The following CD244 variants were observed in gnomAD, a reference collection of about 807,000 sequenced individuals.
CD244 encodes the protein CD244 molecule.
A neutral mutation model predicts 45.5 loss-of-function variants in CD244; 20 were observed. The ratio of observed to expected loss-of-function variants is 0.44; its 90% CI spans 0.31 to 0.64. CD244 has a LOEUF of 0.64. Ranked by LOEUF, CD244 falls within the 30% of genes least tolerant of loss-of-function variation. The pLI is 0.08. For synonymous variants in CD244, 185 were observed against 160.5 expected (o/e 1.15, Z -1.15); for missense variants, 407 against 426.9 (o/e 0.95, Z 0.41).
intron 1 of CD244, among the ~76,000 whole-genome samples, chr1:160,849,458 C>T (rs1453039507): frequency 6.6e-6 from 1 of 152,102 alleles, no homozygotes; most frequent in African/African-American, 2.4e-5. Context: ...CCTTGCCCCT[C>T]ACCCACTAAC....
intron 1 of CD244, among the ~76,000 whole-genome samples, chr1:160,860,540 G>A (rs1670261499): frequency 1.3e-5 from 2 of 152,190 alleles, no homozygotes; most frequent in Admixed American, 6.5e-5. Context: ...TACTGAATTT[G>A]ACAATTGTGC....
At chr1:160,837,148 A>G (rs548837784) in intron 5 of CD244, among the ~76,000 whole-genome samples, 1 of 152,278 alleles carries the variant, frequency 6.6e-6, no homozygotes, top group East Asian at 1.9e-4. Flanking sequence ...GCCCTGAGAC[A>G]ATAGGGAGAG....
At chr1:160,857,577 T>C (rs556172051) in intron 1 of CD244, among the ~76,000 whole-genome samples, 1 of 152,338 alleles carries the variant, frequency 6.6e-6, no homozygotes, top group South Asian at 2.1e-4. Flanking sequence ...AAATCTGTGA[T>C]GTTAGAAGTC....
intron 1 of CD244, among the ~76,000 whole-genome samples, chr1:160,853,040 T>G (rs1669975579): frequency 6.6e-6 from 1 of 152,042 alleles, no homozygotes; most frequent in South Asian, 2.1e-4. Context: ...AAAGAAAATC[T>G]GGTGTTTATA....
At chr1:160,860,136 G>C (rs780172678) in intron 1 of CD244, among the ~76,000 whole-genome samples, 1 of 152,046 alleles carries the variant, frequency 6.6e-6, no homozygotes, top group Non-Finnish European at 1.5e-5. Context: ...GAACCCGGGG[G>C]AGCAGAAGTT....
chr1:160,847,352 A>G (rs1242094087), intron 1 of CD244, among the ~76,000 whole-genome samples: 1 of 151,982 alleles, frequency 6.6e-6, no homozygotes, highest in Non-Finnish European at 1.5e-5. Flanking sequence ...ACCAATATAT[A>G]TATAAATTAT....
In CD244 at chr1:160,830,448, C is replaced by T. The variant is rs58480178; in HGVS notation, c.*899G>A. ...GTGTCTAGATTCCAACTGCCTCATT[C>T]TCAGCCCTCAGCTGCCTGAGCCCTC... is the stretch of plus-strand genomic sequence containing the variant. On this transcript the variant is annotated 3_prime_UTR_variant, in exon 9 of 9. Transcript: ENST00000368034. The T allele has an allele frequency of 6.6e-6, 1 of 152,434 alleles. No individual in the cohort carries two copies. Among genetic ancestry groups the T allele is most frequent in the Non-Finnish European group, 1.5e-5 (1 of 68,104 alleles). 9.4% of individuals were successfully genotyped at this position (152,434 alleles called of 1,614,324 possible). A position where few individuals can be genotyped will look rare whatever the true frequency, so the allele number is the denominator to read the frequency against.
intron 3 of CD244, among the ~76,000 whole-genome samples, 187 bp downstream of exon 3, chr1:160,841,023 A>G (rs770973258): frequency 2.0e-5 from 3 of 152,174 alleles, no homozygotes; most frequent in Non-Finnish European, 4.4e-5. Flanking sequence ...ATTTTTTTCC[A>G]GAGTAGGATA....
At position 160,832,202 on chromosome 1, in the gene CD244, G is replaced by A. The variant is rs554339688; in HGVS notation, c.1017+317C>T. ...TCTTCCCCTCTCTGACCCCTCCTCC[G>A]AACACTCTTGGAAAGGAGAGATGTC... On this transcript the variant is annotated intron_variant, in intron 8 of 8. Coordinates refer to ENST00000368034, the MANE Select transcript of CD244 (RefSeq NM_016382.4). Among the ~76,000 whole-genome samples the A allele has an allele frequency of 5.9e-5, 9 of 152,166 alleles. No homozygotes were observed. In the South Asian group the frequency reaches 6.2e-4, roughly 11 times the overall value.
Position 160,862,775 on chromosome 1 carries a change from G to T in CD244, c.-98C>A. ...CCCCAGTCAGCAAGAGGACGATGGGGAGCAGAACTGCCTTGCAACCTGTCC... is the reference window on the plus strand; with the variant it reads ...CCCCAGTCAGCAAGAGGACGATGGGTAGCAGAACTGCCTTGCAACCTGTCC... On this transcript the variant is annotated 5_prime_UTR_variant, in exon 1 of 9. Transcript: ENST00000368034. 1 of 1,040,332 alleles carries T rather than the reference G, an allele frequency of 9.6e-7. No individual in the cohort carries two copies. The highest frequency in any genetic ancestry group is 1.6e-5 in the African/African-American group (1 of 63,564). The allele number at this position is 1,040,332 out of a possible 1,614,324, so 64.4% of individuals were successfully genotyped here. A position where few individuals can be genotyped will look rare whatever the true frequency, so the allele number is the denominator to read the frequency against.
At chr1:160,850,027 T>C (rs542053361) in intron 1 of CD244, among the ~76,000 whole-genome samples, 1 of 152,074 alleles carries the variant, frequency 6.6e-6, no homozygotes, top group African/African-American at 2.4e-5. Context: ...AAAAAATGAA[T>C]ATGTGAAACT....
chr1:160,854,643 C>G (rs917767385), intron 1 of CD244, among the ~76,000 whole-genome samples: 1 of 151,822 alleles, frequency 6.6e-6, no homozygotes, highest in Non-Finnish European at 1.5e-5. Flanking sequence ...ATCCACCCGT[C>G]TCAGCCTCCC....
chr1:160,832,703 G>A, intron 7 of CD244, 128 bp from the exon 8 acceptor site: 1 of 1,535,018 alleles, frequency 6.5e-7, no homozygotes, highest in Non-Finnish European at 8.8e-7. Flanking sequence ...GCCAGAAAAT[G>A]AATAGAATCT....
chr1:160,831,487 G>C (rs1669113629), intron 8 of CD244, 60 bp from the exon 9 acceptor site: 8 of 1,184,320 alleles, frequency 6.8e-6, no homozygotes, highest in Non-Finnish European at 8.7e-6. Flanking sequence ...TCACAATCCT[G>C]TGAGGTATGA....
In CD244 at chr1:160,834,629, G is replaced by A. The variant is rs113431202; in HGVS notation, c.895-513C>T. Among the ~76,000 whole-genome samples, 73 of 152,298 alleles carry A rather than the reference G, an allele frequency of 4.8e-4. 1 individual carries two copies. Among genetic ancestry groups the A allele is most frequent in the African/African-American group, 1.7e-3 (70 of 41,556 alleles). ...GCCTCCCAAAGTGTTGGGATTACAG[G>A]CATGAGCCACCGCGCCTGGCCTCTT... On this transcript the variant is annotated intron_variant, in intron 6 of 8. Coordinates refer to ENST00000368034, the MANE Select transcript of CD244 (RefSeq NM_016382.4).
intron 7 of CD244, among the ~76,000 whole-genome samples, chr1:160,833,681 C>T (rs937534437): frequency 6.6e-6 from 1 of 152,208 alleles, no homozygotes; most frequent in Non-Finnish European, 1.5e-5. Context: ...GCAATATGCC[C>T]TGCCTTGCAA....
chr1:160,851,019 T>C (rs6696897), intron 1 of CD244, among the ~76,000 whole-genome samples: 6,192 of 152,260 alleles, frequency 0.041, 435 homozygotes, highest in African/African-American at 0.14. Flanking sequence ...AAAGGGTACC[T>C]ATGAAGAGAT....
rs558127762 is a variant in CD244, at chr1:160,837,330, G to A, written c.835-1076C>T. ...AATAGATTATTTTTAGCAAGCACCC[G>A]GGCATCACTGGCTGTGGGTAGATTC... On this transcript the variant is annotated intron_variant, in intron 5 of 8. Transcript: ENST00000368034. Among the ~76,000 whole-genome samples, 7 of 152,194 alleles carry A rather than the reference G, an allele frequency of 4.6e-5. No individual in the cohort carries two copies. In the East Asian group the frequency reaches 7.7e-4, roughly 17 times the overall value.
At chr1:160,861,500 C>T (rs1211874987) in intron 1 of CD244, among the ~76,000 whole-genome samples, 1 of 152,170 alleles carries the variant, frequency 6.6e-6, no homozygotes, top group Non-Finnish European at 1.5e-5. Context: ...CCACGCTCTC[C>T]ACCTCCGTGA....
Sources: gnomAD v4.1 joint callset for allele counts (sites outside exome capture counted in the v4.1 genomes callset) on GRCh38, gnomAD v4.1.1 for gene constraint, MANE v1.5 for transcripts, NCBI Gene and HGNC (gene_info 2026-07-23, HGNC 2026-07-21) for gene names.